CIT: variants seen among roughly 807,000 people sequenced by gnomAD.
CIT encodes the protein citron rho-interacting serine/threonine kinase, also known as citron Rho-interacting kinase.
In CIT, 79 loss-of-function variants were observed where a neutral mutation model predicts 272.7. The observed-to-expected ratio is 0.29, with a 90% confidence interval of 0.24 to 0.35. The LOEUF is 0.35. Among genes scored for constraint, CIT ranks in the 10% least tolerant of loss-of-function variants. The probability of loss-of-function intolerance (pLI) is 1.00; values close to 1 mark genes in which losing one functional copy is unlikely to be tolerated. For missense variants in CIT, 1,909 were observed against 2,618.3 expected (o/e 0.73, Z 5.91); for synonymous variants, 948 against 995.6 (o/e 0.95, Z 0.90).
At chr12:119,815,792 G>T (rs985335362) in intron 9 of CIT, among the ~76,000 whole-genome samples, 2 of 152,048 alleles carry the variant, frequency 1.3e-5, no homozygotes, top group Non-Finnish European at 2.9e-5. Context: ...TAGGAGCATA[G>T]AATATTCTGG....
rs1425858192 is a variant in CIT at position 119,804,565 on chromosome 12, C to G, written c.1112-1176G>C. ...CTAGGACAGTTGTCACAGCCCTTCA[C>G]AGCCCAGACTTCTTTTTAACTCCTC... On this transcript the variant is annotated intron_variant, in intron 9 of 47. Coordinates refer to ENST00000392521, the MANE Select transcript of CIT (RefSeq NM_001206999.2). This position sits in a 1 kb window ranked among gnomAD's most constrained non-coding sequence, Gnocchi z 5.3. The G allele has an allele frequency of 2.4e-6, 2 of 833,338 alleles. No homozygotes were observed. Among genetic ancestry groups the G allele is most frequent in the East Asian group, 1.2e-4 (1 of 8,066 alleles). The allele number at this position is 833,338 out of a possible 1,614,324, so 51.6% of individuals were successfully genotyped here.
Position 119,835,068 on chromosome 12 carries a change from A to G in CIT, c.517-840T>C, listed in dbSNP as rs139270455. Among the ~76,000 whole-genome samples, 1,436 of 152,358 alleles carry G rather than the reference A, an allele frequency of 9.4e-3. 79 individuals are homozygous for G. The highest frequency in any genetic ancestry group is 0.082 in the Admixed American group (1,251 of 15,306). On this transcript the variant is annotated intron_variant, in intron 5 of 47. Coordinates refer to ENST00000392521, the MANE Select transcript of CIT (RefSeq NM_001206999.2). The stretch of plus-strand genomic sequence containing the variant: ...GTGTTGGTACATACACAGGAAAAAA[A>G]TCTTGAAGAAGAATATGAAGCCTCA...
chr12:119,774,347 C>G (rs927636967), intron 16 of CIT, among the ~76,000 whole-genome samples: 1 of 151,944 alleles, frequency 6.6e-6, no homozygotes. Context: ...CTCTATTAAA[C>G]CAAGCCAGCA....
In CIT at chr12:119,703,747, T is replaced by C. The variant is rs1354681737; in HGVS notation, c.5304+616A>G. Among the ~76,000 whole-genome samples, 84 of 152,062 alleles carry C rather than the reference T, an allele frequency of 5.5e-4. 1 individual carries two copies. The highest frequency in any genetic ancestry group is 5.5e-3 in the Admixed American group (84 of 15,274). On this transcript the variant is annotated intron_variant, in intron 41 of 47. Coordinates refer to ENST00000392521, the MANE Select transcript of CIT (RefSeq NM_001206999.2). ...AGCCTCATTTCATTTTTGAGACTAA[T>C]CATGAAAGCACCAGAAATATATCAG... is the stretch of plus-strand genomic sequence containing the variant.
intron 24 of CIT, among the ~76,000 whole-genome samples, chr12:119,737,764 T>C (rs1387406471): frequency 6.6e-6 from 1 of 152,222 alleles, no homozygotes; most frequent in Non-Finnish European, 1.5e-5. Flanking sequence ...TTACATGTTT[T>C]TGTAAAGTAC....
intron 7 of CIT, among the ~76,000 whole-genome samples, chr12:119,831,728 G>T (rs796458258): frequency 1.3e-5 from 2 of 152,276 alleles, no homozygotes; most frequent in African/African-American, 4.8e-5. Flanking sequence ...AATTAGCTGG[G>T]CATGGTGGCG....
chr12:119,824,885 G>A lies in CIT; in HGVS notation c.957+280C>T, dbSNP rs138689173. 0.013 allele frequency among the ~76,000 whole-genome samples: 2,005 copies of A among 152,132 alleles called. 23 individuals carry two copies. Among genetic ancestry groups the A allele is most frequent in the Non-Finnish European group, 0.015 (1,048 of 67,982 alleles). Reference sequence around the variant, plus strand: ...GCGATCTTGGCTCACTGTAAGCTCCGCCTCCCGGGTTCATGCCATTCTCCT... The same window carrying A: ...GCGATCTTGGCTCACTGTAAGCTCCACCTCCCGGGTTCATGCCATTCTCCT... On this transcript the variant is annotated intron_variant, in intron 8 of 47. Coordinates refer to ENST00000392521, the MANE Select transcript of CIT (RefSeq NM_001206999.2).
intron 43 of CIT, among the ~76,000 whole-genome samples, 200 bp downstream of exon 43, chr12:119,701,424 T>C (rs1047935299): frequency 1.3e-5 from 2 of 152,056 alleles, no homozygotes; most frequent in Non-Finnish European, 2.9e-5. Flanking sequence ...TTGGAGAGAA[T>C]GTGATAAAGT....
chr12:119,773,038 G>T, intron 16 of CIT, 128 bp from the exon 17 acceptor site: 3 of 801,164 alleles, frequency 3.7e-6, no homozygotes, highest in African/African-American at 1.8e-5. Flanking sequence ...AAAAGATAGT[G>T]ACAGTGTCCT....
chr12:119,767,353 G>A (rs1962567711), intron 18 of CIT, among the ~76,000 whole-genome samples, 171 bp from the exon 19 acceptor site: 1 of 152,206 alleles, frequency 6.6e-6, no homozygotes, highest in African/African-American at 2.4e-5. Context: ...CCTTGGCCCT[G>A]GGTTTTCCAA....
At chr12:119,846,348 A>G (rs1969802684) in intron 5 of CIT, among the ~76,000 whole-genome samples, 1 of 152,198 alleles carries the variant, frequency 6.6e-6, no homozygotes, top group Non-Finnish European at 1.5e-5. Context: ...TGAAAATCCC[A>G]AAGCATTTCA....
At chr12:119,731,821 T>TAC (rs1958465343) in intron 26 of CIT, among the ~76,000 whole-genome samples, 1 of 29,426 alleles carries the variant, frequency 3.4e-5, no homozygotes, top group African/African-American at 1.1e-4. Flanking sequence ...TAAATATATA[T>TAC]ATATATATAT....
chr12:119,862,917 T>C (rs1004330285), intron 3 of CIT, among the ~76,000 whole-genome samples: 1 of 141,498 alleles, frequency 7.1e-6, no homozygotes, highest in African/African-American at 2.6e-5. Context: ...GAGGCTGACA[T>C]TGGGCCGGGT....
chr12:119,857,596 A>C lies in CIT; in HGVS notation c.341T>G (p.Val114Gly). The change falls in exon 4 of 48, where the codon GTA (valine) becomes GGA (glycine). Residue 114 changes from valine to glycine, a missense_variant. Around this residue, in one of 8 missense-constraint regions of CIT, gnomAD observed 529 missense variants for 549.6 expected, o/e 0.96. Transcript: ENST00000392521. ...GATGTCCCCGGTTGCTTTCTCTCTT[A>C]CCACCTGCACTTCAGCAAAGTGACC... ...GCGHFAEVQV[V>G]REKATGDIYA... 6.2e-7 allele frequency: 1 copy of C among 1,614,142 alleles called. No individual in the cohort carries two copies. Among genetic ancestry groups the C allele is most frequent in the Non-Finnish European group, 8.5e-7 (1 of 1,180,024 alleles).
chr12:119,717,927 G>A (rs1271689836), intron 32 of CIT, among the ~76,000 whole-genome samples: 5 of 135,686 alleles, frequency 3.7e-5, no homozygotes, highest in African/African-American at 1.1e-4. Flanking sequence ...CGCAACCTCC[G>A]CCTCCCGGAT....
In CIT at chr12:119,822,838, A is replaced by G; in HGVS notation, c.1093T>C (p.Trp365Arg). ...TACTTACAGTTACGAATGTTGTTCC[A>G]GTCAATTTTAGAGAAGAAAGGATGG... ...CCHPFFSKID[W>R]NNIRNSPPPF... Residue 365 changes from tryptophan to arginine, a missense_variant, in exon 9 of 48, where the codon TGG (tryptophan) becomes CGG (arginine). Physicochemically the swap from Trp to Arg is moderately radical, Grantham distance 101. Coordinates refer to ENST00000392521, the MANE Select transcript of CIT (RefSeq NM_001206999.2). 6.2e-7 allele frequency: 1 copy of G among 1,614,130 alleles called. No individual in the cohort carries two copies. Among genetic ancestry groups the G allele is most frequent in the Non-Finnish European group, 8.5e-7 (1 of 1,180,022 alleles).
At chr12:119,811,784 C>T (rs1203739226) in intron 9 of CIT, among the ~76,000 whole-genome samples, 1 of 152,106 alleles carries the variant, frequency 6.6e-6, no homozygotes, top group African/African-American at 2.4e-5. Flanking sequence ...TTTTTCTCTC[C>T]CTCTCAGTCT....
rs1023556120 is a variant in CIT, at chr12:119,713,016, G to A, written c.4579+187C>T. The A allele has an allele frequency of 3.1e-6, 2 of 639,606 alleles. No individual in the cohort carries two copies. Among genetic ancestry groups the A allele is most frequent in the Non-Finnish European group, 5.6e-6 (2 of 359,964 alleles). 39.6% of individuals were successfully genotyped at this position (639,606 alleles called of 1,614,324 possible). ...GGGCAGCGCCCTGCGGGTTCTTCAG[G>A]GGGGAGACCTATAGATGTGAGTATC... On this transcript the variant is annotated intron_variant, in intron 35 of 47. Coordinates refer to ENST00000392521, the MANE Select transcript of CIT (RefSeq NM_001206999.2). This position sits in a 1 kb window ranked among gnomAD's most constrained non-coding sequence, Gnocchi z 5.2.
In CIT at chr12:119,737,337, A is replaced by G. The variant is rs954187814; in HGVS notation, c.2959-1980T>C. ...AAAAAAAAAAAAAAAAAAAAAAAAA[A>G]AAAAAGCCTCTTGGGGAATAAATAG... On this transcript the variant is annotated intron_variant, in intron 24 of 47. Transcript: ENST00000392521. Among the ~76,000 whole-genome samples, 234 of 145,386 alleles carry G rather than the reference A, an allele frequency of 1.6e-3. 1 individual carries two copies. Among genetic ancestry groups the G allele is most frequent in the African/African-American group, 5.8e-3 (223 of 38,410 alleles).
Sources: gnomAD v4.1 joint callset for allele counts (sites outside exome capture counted in the v4.1 genomes callset) on GRCh38, gnomAD v4.1.1 for gene constraint, gnomAD v4.1.1 regional missense constraint, Gnocchi (gnomAD v3.1) non-coding constraint, MANE v1.5 for transcripts, NCBI Gene and HGNC (gene_info 2026-07-23, HGNC 2026-07-21) for gene names.